The following IFT122 variants were observed in gnomAD, a reference collection of about 807,000 sequenced individuals.
The protein encoded by IFT122 is intraflagellar transport protein 122 homolog.
In IFT122, 118 loss-of-function variants were observed where a neutral mutation model predicts 161.6. The observed-to-expected ratio is 0.73, with a 90% confidence interval of 0.63 to 0.85. The LOEUF is 0.85. Ranked by LOEUF, IFT122 falls within the 40% of genes least tolerant of loss-of-function variation. The pLI is 0.00. For synonymous variants in IFT122, 550 were observed against 602.4 expected, an observed-to-expected ratio of 0.91 and a Z score of 1.27; for missense variants, 1,381 against 1,579.6, an observed-to-expected ratio of 0.87 and a Z score of 2.13.
At chr3:129,451,306 A>G (rs1021383396) in intron 2 of IFT122, among the ~76,000 whole-genome samples, 3 of 151,678 alleles carry the variant, frequency 2.0e-5, no homozygotes, top group Non-Finnish European at 2.9e-5. Context: ...TATTTTTTGT[A>G]GAGATGGGGT....
intron 16 of IFT122, among the ~76,000 whole-genome samples, chr3:129,491,696 G>A (rs1191920367): frequency 1.3e-5 from 2 of 152,088 alleles, no homozygotes; most frequent in Non-Finnish European, 2.9e-5. Flanking sequence ...GCACCACTGG[G>A]TAGGCATAGC....
intron 5 of IFT122, among the ~76,000 whole-genome samples, chr3:129,462,868 T>G (rs2076337480): frequency 6.6e-6 from 1 of 152,146 alleles, no homozygotes; most frequent in Non-Finnish European, 1.5e-5. Flanking sequence ...GAGGCACAGC[T>G]CAGATAGAGT....
chr3:129,457,679 G>A (rs1449030092), intron 3 of IFT122, among the ~76,000 whole-genome samples: 1 of 151,698 alleles, frequency 6.6e-6, no homozygotes, highest in Non-Finnish European at 1.5e-5. Context: ...CTATTGCACA[G>A]CATGGTGACC....
rs1225700454 is a variant in IFT122 at position 129,499,891 on chromosome 3, T to G, written c.2209-11T>G. The G allele has an allele frequency of 6.2e-7, 1 of 1,614,056 alleles. No homozygotes were observed. Among genetic ancestry groups the G allele is most frequent in the Admixed American group, 1.7e-5 (1 of 60,024 alleles). On this transcript the variant is annotated splice_polypyrimidine_tract_variant and intron_variant, in intron 18 of 29. Coordinates refer to ENST00000348417, the MANE Select transcript of IFT122 (RefSeq NM_052989.3). Reference sequence around the variant, plus strand: ...TGATCCAGAGTGTTTTTGTTTGTTGTGCTTCCTCAGGATTTCCTTGGATCT... The same window carrying G: ...TGATCCAGAGTGTTTTTGTTTGTTGGGCTTCCTCAGGATTTCCTTGGATCT...
At chr3:129,452,754 A>G (rs1056263455) in intron 3 of IFT122, among the ~76,000 whole-genome samples, 4 of 152,212 alleles carry the variant, frequency 2.6e-5, no homozygotes, top group African/African-American at 9.6e-5. Context: ...TTTGATTTGT[A>G]TTTTAAAAGG....
At position 129,514,440 on chromosome 3, in the gene IFT122, G is replaced by T; in HGVS notation, c.3039G>T (p.Arg1013Ser). ...AKQSKALGAY[R>S]LARHAYDKLR... ...AGAGCAAGGCCCTCGGTGCCTACAGGCTGGCCCGGCACGCCTATGACAAGC... is the reference window on the plus strand; with the variant it reads ...AGAGCAAGGCCCTCGGTGCCTACAGTCTGGCCCGGCACGCCTATGACAAGC... Residue 1013 changes from arginine to serine, a missense_variant, in exon 25 of 30, where the codon AGG becomes AGT. Coordinates refer to ENST00000348417, the MANE Select transcript of IFT122 (RefSeq NM_052989.3). The T allele has an allele frequency of 6.2e-7, 1 of 1,614,186 alleles. No homozygotes were observed. Among genetic ancestry groups the T allele is most frequent in the Non-Finnish European group, 8.5e-7 (1 of 1,180,032 alleles).
chr3:129,502,869 AG>A lies in IFT122; in HGVS notation c.2535del (p.Gln845HisfsTer28), dbSNP rs767761037. On this transcript the variant is annotated frameshift_variant, in exon 20 of 30. Transcript: ENST00000348417. LOFTEE classifies it high-confidence loss of function. ...KSLVQLHVET[Q>X]RWDEAFALGE... ...CTGGTGCAGCTGCACGTGGAGACCCAGCGCTGGGATGAGGTGAGGGGAAAGC... is the reference window on the plus strand; with the variant it reads ...CTGGTGCAGCTGCACGTGGAGACCCACGCTGGGATGAGGTGAGGGGAAAGC... 1.2e-6 allele frequency: 2 copies of A among 1,609,618 alleles called. No homozygotes were observed. The highest frequency in any genetic ancestry group is 2.2e-5 in the South Asian group (2 of 91,062).
intron 8 of IFT122, among the ~76,000 whole-genome samples, chr3:129,468,848 A>AC (rs2077072469): frequency 6.6e-6 from 1 of 152,040 alleles, no homozygotes; most frequent in Admixed American, 6.5e-5. Context: ...CTGTGCAAGG[A>AC]CCCCCGCCTG....
chr3:129,494,100 A>G (rs1200830730), intron 17 of IFT122, among the ~76,000 whole-genome samples: 1 of 152,148 alleles, frequency 6.6e-6, no homozygotes, highest in Non-Finnish European at 1.5e-5. Flanking sequence ...GCCCATGTTG[A>G]CATGCACCTG....
intron 19 of IFT122, among the ~76,000 whole-genome samples, chr3:129,500,665 G>A (rs2081415558): frequency 1.3e-5 from 2 of 152,226 alleles, no homozygotes; most frequent in Admixed American, 1.3e-4. Context: ...AAATAGAGAT[G>A]GCGGGAAAGG....
intron 5 of IFT122, 131 bp downstream of exon 5, chr3:129,461,435 G>A (rs1268733073): frequency 1.2e-5 from 9 of 742,302 alleles, no homozygotes; most frequent in Non-Finnish European, 2.2e-5. Context: ...CAATGGCTGA[G>A]GGGAGGCTGA....
At position 129,481,661 on chromosome 3, in the gene IFT122, G is replaced by A; in HGVS notation, c.1620G>A (p.Val540=). The A allele has an allele frequency of 6.2e-7, 1 of 1,614,144 alleles. No homozygotes were observed. Among genetic ancestry groups the A allele is most frequent in the South Asian group, 1.1e-5 (1 of 91,068 alleles). ...TAGATGAAAATGACACTTGCCTGGT[G>A]TATGACATCGACACCAAGGAGCTGC... is the stretch of plus-strand genomic sequence containing the variant. ...AVVDENDTCL[V]YDIDTKELLF... is the part of the protein sequence containing the mutation. The change falls in exon 14 of 30, where the codon GTG becomes GTA. Residue 540 remains valine, a synonymous_variant. Transcript: ENST00000348417.
At chr3:129,487,246 C>G (rs1322271300) in intron 15 of IFT122, among the ~76,000 whole-genome samples, 4 of 152,338 alleles carry the variant, frequency 2.6e-5, no homozygotes, top group South Asian at 2.1e-4. Flanking sequence ...TTAAAGATGT[C>G]ATGGCCCAAC....
At chr3:129,457,732 GTTTTT>G (rs971386664) in intron 3 of IFT122, among the ~76,000 whole-genome samples, 2 of 119,616 alleles carry the variant, frequency 1.7e-5, no homozygotes, top group Admixed American at 9.7e-5. Flanking sequence ...CACAGGAATA[GTTTTT>G]TTTTTTTTTT....
At chr3:129,504,164 C>G in intron 20 of IFT122, 155 bp from the exon 21 acceptor site, 13 of 630,466 alleles carry the variant, frequency 2.1e-5, no homozygotes, top group Non-Finnish European at 2.6e-5. Context: ...TTTGTTTTTG[C>G]ATTTCTGTGG....
Position 129,512,581 on chromosome 3 carries a change from AGGCCCAGG to A in IFT122, c.2987+178_2987+185del, listed in dbSNP as rs1199924621. On this transcript the variant is annotated intron_variant, in intron 24 of 29. Transcript: ENST00000348417. ...GTTTGGCTATAGAGGCTCAGCAGGG[AGGCCCAGG>A]GGCCCAGGCCAAGAGAAGATGAGTT... The A allele has an allele frequency of 4.5e-6, 3 of 670,750 alleles. No individual in the cohort carries two copies. The East Asian group carries it at 8.0e-5, about 18-fold the overall frequency. The allele number at this position is 670,750 out of a possible 1,614,324, so 41.5% of individuals were successfully genotyped here.
intron 21 of IFT122, among the ~76,000 whole-genome samples, chr3:129,504,799 G>A (rs1191719990): frequency 6.6e-6 from 1 of 152,156 alleles, no homozygotes; most frequent in Non-Finnish European, 1.5e-5. Context: ...AGGGTAAAGA[G>A]GTGAAGAAAT....
intron 1 of IFT122, 67 bp from the exon 2 acceptor site, chr3:129,449,804 T>C: frequency 9.4e-7 from 1 of 1,065,608 alleles, no homozygotes; most frequent in Non-Finnish European, 1.5e-6. Flanking sequence ...AAAGTTTACT[T>C]TCCTGGCCAT....
intron 24 of IFT122, chr3:129,513,812 C>T (rs1678174549): frequency 1.4e-5 from 3 of 209,576 alleles, no homozygotes; most frequent in Admixed American, 5.3e-5. Flanking sequence ...CAGCCAACAT[C>T]GGAGGTGACC....
Sources: allele counts gnomAD v4.1 joint callset (sites outside exome capture counted in the v4.1 genomes callset), GRCh38; gene constraint gnomAD v4.1.1; transcripts MANE v1.5; gene names NCBI Gene and HGNC (gene_info 2026-07-23, HGNC 2026-07-21).